Variants in NLGN4X observed in about 807,000 individuals in gnomAD.
NLGN4X encodes neuroligin-4, X-linked.
Under a neutral mutation model 40.3 loss-of-function variants are expected in NLGN4X, and 3 were observed. That is an observed-to-expected ratio of 0.07 (90% CI 0.03 to 0.19). NLGN4X has a LOEUF of 0.19. Among genes scored for constraint, NLGN4X ranks in the 10% least tolerant of loss-of-function variants. NLGN4X has a pLI of 1.00. For missense variants in NLGN4X, 382 were observed against 708.3 expected (o/e 0.54, Z 5.23); for synonymous variants, 270 against 306.8 (o/e 0.88, Z 1.25).
chrX:5,971,899 G>T (rs567544725), intron 3 of NLGN4X, among the ~76,000 whole-genome samples: 1 of 111,533 alleles, frequency 9.0e-6, no homozygotes, highest in Non-Finnish European at 1.9e-5. Flanking sequence ...AAAAGTGAAG[G>T]ATGACAATAT....
intron 2 of NLGN4X, among the ~76,000 whole-genome samples, chrX:6,112,676 C>T (rs762619416): frequency 1.3e-4 from 14 of 108,100 alleles, no homozygotes; most frequent in African/African-American, 3.7e-4. Context: ...TTCCTTCTCC[C>T]GGGTTCAAGT....
At chrX:6,135,722 G>C (rs1385452982) in intron 2 of NLGN4X, among the ~76,000 whole-genome samples, 1 of 111,499 alleles carries the variant, frequency 9.0e-6, no homozygotes, top group Non-Finnish European at 1.9e-5. Context: ...GTGCTTCTCT[G>C]AGAAAAGGAT....
chrX:5,956,945 G>A (rs185217306), intron 3 of NLGN4X, among the ~76,000 whole-genome samples: 2 of 111,099 alleles, frequency 1.8e-5, no homozygotes, highest in Admixed American at 1.9e-4. Context: ...TTAAGAAGTT[G>A]GGAATATTCT....
At chrX:5,906,248 G>A (rs1174815541) in intron 4 of NLGN4X, among the ~76,000 whole-genome samples, 2 of 111,866 alleles carry the variant, frequency 1.8e-5, no homozygotes, top group Admixed American at 1.9e-4. Flanking sequence ...TTCACTTATC[G>A]TGTTTTTGAA....
Position 6,117,899 on chromosome X carries a change from A to T in NLGN4X, c.472+33096T>A, listed in dbSNP as rs142187318. Among the ~76,000 whole-genome samples the T allele has an allele frequency of 7.2e-5, 8 of 111,810 alleles. No individual in the cohort carries two copies. In the East Asian group the frequency reaches 2.3e-3, roughly 32 times the overall value. On this transcript the variant is annotated intron_variant, in intron 2 of 5. Coordinates refer to ENST00000381095, the MANE Select transcript of NLGN4X (RefSeq NM_181332.3). ...CTCCAGCCTGGATTCTGGAATAAAGACTTGGAAGAGAAGTGGGGCTGATGA... is the reference window on the plus strand; with the variant it reads ...CTCCAGCCTGGATTCTGGAATAAAGTCTTGGAAGAGAAGTGGGGCTGATGA...
At chrX:6,012,836 C>T (rs1032324562) in intron 3 of NLGN4X, among the ~76,000 whole-genome samples, 2 of 111,372 alleles carry the variant, frequency 1.8e-5, no homozygotes, top group African/African-American at 6.5e-5. Context: ...GGAAAGGCAG[C>T]CCTGCCAACA....
intron 3 of NLGN4X, among the ~76,000 whole-genome samples, chrX:5,913,599 A>G (rs2032622025): frequency 8.9e-6 from 1 of 112,232 alleles, no homozygotes; most frequent in Non-Finnish European, 1.9e-5. Context: ...CAATAATTGA[A>G]CAACGAAAGA....
intron 2 of NLGN4X, among the ~76,000 whole-genome samples, chrX:6,058,238 A>T (rs1371059325): frequency 9.0e-6 from 1 of 111,574 alleles, no homozygotes; most frequent in Non-Finnish European, 1.9e-5. Flanking sequence ...ATAGCTTAGA[A>T]ATAGTATAAA....
At chrX:6,028,862 T>C (rs182449006) in intron 3 of NLGN4X, among the ~76,000 whole-genome samples, 8 of 111,528 alleles carry the variant, frequency 7.2e-5, no homozygotes, top group Non-Finnish European at 9.4e-5. Context: ...AGTTAGAGAA[T>C]TGGATAAAAT....
chrX:6,081,664 G>A (rs1431619833), intron 2 of NLGN4X, among the ~76,000 whole-genome samples: 2 of 111,991 alleles, frequency 1.8e-5, no homozygotes, highest in Admixed American at 1.9e-4. Context: ...CTGTGTCAAG[G>A]GAGTTGCAGT....
intron 3 of NLGN4X, among the ~76,000 whole-genome samples, chrX:5,913,511 A>G (rs2032616093): frequency 8.9e-6 from 1 of 112,075 alleles, no homozygotes; most frequent in Admixed American, 9.5e-5. Context: ...AAACTCTCTA[A>G]GCATTTTAGC....
At chrX:5,964,631 C>T (rs969486414) in intron 3 of NLGN4X, among the ~76,000 whole-genome samples, 6 of 110,989 alleles carry the variant, frequency 5.4e-5, no homozygotes, top group African/African-American at 9.8e-5. Context: ...CTTAGCCTCT[C>T]GAGCAGCTGT....
intron 3 of NLGN4X, among the ~76,000 whole-genome samples, chrX:6,021,004 C>CTTTCTTTCTT (rs796849645): frequency 1.1e-4 from 2 of 18,231 alleles, no homozygotes; most frequent in African/African-American, 5.1e-4. Context: ...TCCTTCTTTT[C>CTTTCTTTCTT]TCTCTCTCTC....
chrX:6,148,485 T>C (rs1484994899), intron 2 of NLGN4X, among the ~76,000 whole-genome samples: 1 of 110,906 alleles, frequency 9.0e-6, no homozygotes, highest in African/African-American at 3.3e-5. Flanking sequence ...AATTAATAAT[T>C]AAACATCTAA....
At chrX:5,929,514 G>A (rs201288553) in intron 3 of NLGN4X, among the ~76,000 whole-genome samples, 2 of 110,750 alleles carry the variant, frequency 1.8e-5, no homozygotes, top group East Asian at 5.7e-4. Context: ...ATATATATGT[G>A]TATATGTATA....
intron 3 of NLGN4X, among the ~76,000 whole-genome samples, chrX:5,921,391 CAGAGAGAGAGAGAGAGAG>C (rs56879029): frequency 1.3e-4 from 7 of 53,084 alleles, no homozygotes; most frequent in Admixed American, 5.0e-4. Context: ...GAAAATGAAC[CAGAGAGAGAGAGAGAGAG>C]AGAGAGAGAG....
intron 1 of NLGN4X, among the ~76,000 whole-genome samples, chrX:6,184,427 G>A (rs780128917): frequency 6.6e-4 from 72 of 109,143 alleles, no homozygotes; most frequent in Non-Finnish European, 1.2e-3. Context: ...AAGTAATTGA[G>A]AAGAAAATAT....
intron 1 of NLGN4X, among the ~76,000 whole-genome samples, chrX:6,158,717 G>A (rs1431929525): frequency 1.8e-5 from 2 of 111,436 alleles, no homozygotes; most frequent in African/African-American, 6.5e-5. Flanking sequence ...GTGCCATGGT[G>A]GTTTGCTGCA....
chrX:5,917,970 TTAAAG>T (rs2032876552), intron 3 of NLGN4X, among the ~76,000 whole-genome samples: 2 of 111,760 alleles, frequency 1.8e-5, no homozygotes, highest in South Asian at 7.4e-4. Context: ...TATTATGTGT[TTAAAG>T]TGAAAAGAGA....
Sources: gnomAD v4.1 joint callset for allele counts (sites outside exome capture counted in the v4.1 genomes callset) on GRCh38, gnomAD v4.1.1 for gene constraint, MANE v1.5 for transcripts, NCBI Gene and HGNC (gene_info 2026-07-23, HGNC 2026-07-21) for gene names.